DTWD2: variants seen among roughly 807,000 people sequenced by gnomAD.
The protein encoded by DTWD2 is DTW motif tRNA-uridine aminocarboxypropyltransferase 2.
DTWD2 carries 39 observed loss-of-function variants against 31.8 expected under a neutral mutation model. That is an observed-to-expected ratio of 1.22 (90% CI 0.95 to 1.60). DTWD2 has a LOEUF of 1.60. Ranked by LOEUF, DTWD2 falls within the 40% of genes most tolerant of loss-of-function variation. DTWD2 has a pLI of 0.00. For missense variants in DTWD2, 515 were observed against 381.5 expected, an observed-to-expected ratio of 1.35 and a Z score of -2.92; for synonymous variants, 180 against 142.8, an observed-to-expected ratio of 1.26 and a Z score of -1.86.
intron 4 of DTWD2, among the ~76,000 whole-genome samples, chr5:118,876,336 G>C (rs1340089707): frequency 6.6e-6 from 1 of 152,008 alleles, no homozygotes; most frequent in African/African-American, 2.4e-5. Flanking sequence ...GCCAGCAGAA[G>C]ACAAGAAATA....
intron 1 of DTWD2, among the ~76,000 whole-genome samples, chr5:118,952,995 T>C (rs574799500): frequency 1.4e-4 from 21 of 152,254 alleles, no homozygotes; most frequent in Non-Finnish European, 2.6e-4. Flanking sequence ...TTCTAGATGA[T>C]GAACCCTCTA....
At position 118,840,960 on chromosome 5, in the gene DTWD2, T is replaced by C. The variant is rs749741567; in HGVS notation, c.854A>G (p.Lys285Arg). 1.9e-6 allele frequency: 3 copies of C among 1,613,778 alleles called. No individual in the cohort carries two copies. The East Asian group carries it at 6.7e-5, about 36-fold the overall frequency. ...CATTAACAATTCCATTTTCCTGAGTTTGCGTTTGTTCTTTGGCATTGGTTT... is the reference window on the plus strand; with the variant it reads ...CATTAACAATTCCATTTTCCTGAGTCTGCGTTTGTTCTTTGGCATTGGTTT... ...YPKPMPKNKR[K>R]LRKMELLMNS... is the part of the protein sequence containing the mutation. The change falls in exon 6 of 6, where the codon AAA (lysine) becomes AGA (arginine). Residue 285 changes from lysine to arginine, a missense_variant. Coordinates refer to ENST00000510708, the MANE Select transcript of DTWD2 (RefSeq NM_173666.4).
chr5:118,950,185 C>T (rs908144896), intron 1 of DTWD2, among the ~76,000 whole-genome samples: 6 of 145,190 alleles, frequency 4.1e-5, no homozygotes, highest in Non-Finnish European at 8.9e-5. Flanking sequence ...TGCACTCCAG[C>T]CTCGGTGACA....
intron 1 of DTWD2, among the ~76,000 whole-genome samples, chr5:118,978,608 C>A (rs1755219715): frequency 6.6e-6 from 1 of 152,074 alleles, no homozygotes; most frequent in Admixed American, 6.6e-5. Context: ...ATTCATGTGG[C>A]CAACAAACAT....
At position 118,837,874 on chromosome 5, in the gene DTWD2, A is replaced by C. The variant is rs574846020; in HGVS notation, c.*3043T>G. ...TTTGATGCTGCAGTAAGCTATGATT[A>C]CACCACTGCACTCCAAACTGGGTGA... On this transcript the variant is annotated 3_prime_UTR_variant, in exon 6 of 6. Coordinates refer to ENST00000510708, the MANE Select transcript of DTWD2 (RefSeq NM_173666.4). 1 of 152,332 alleles carries C rather than the reference A, an allele frequency of 6.6e-6. No homozygotes were observed. Among genetic ancestry groups the C allele is most frequent in the Non-Finnish European group, 1.5e-5 (1 of 68,044 alleles). The allele number at this position is 152,332 out of a possible 1,614,324, so 9.4% of individuals were successfully genotyped here. A position where few individuals can be genotyped will look rare whatever the true frequency, so the allele number is the denominator to read the frequency against.
At chr5:118,932,728 G>C (rs1331268011) in intron 3 of DTWD2, among the ~76,000 whole-genome samples, 1 of 152,122 alleles carries the variant, frequency 6.6e-6, no homozygotes, top group Non-Finnish European at 1.5e-5. Context: ...GGCAATGAGA[G>C]GGCAACCAAC....
intron 4 of DTWD2, among the ~76,000 whole-genome samples, chr5:118,884,971 G>A (rs1580786132): frequency 1.4e-5 from 2 of 144,936 alleles, no homozygotes; most frequent in African/African-American, 5.4e-5. Context: ...ACTCCAGTCT[G>A]GGGGACAGAG....
At chr5:118,871,098 C>G (rs1433676635) in intron 4 of DTWD2, among the ~76,000 whole-genome samples, 1 of 151,948 alleles carries the variant, frequency 6.6e-6, no homozygotes, top group Non-Finnish European at 1.5e-5. Flanking sequence ...TAGATTCCAT[C>G]TCAAGAAACT....
chr5:118,951,595 T>A (rs1039470104), intron 1 of DTWD2, among the ~76,000 whole-genome samples: 5 of 152,074 alleles, frequency 3.3e-5, no homozygotes, highest in African/African-American at 1.2e-4. Flanking sequence ...TGTATTGGGG[T>A]CAAGCGGTGT....
intron 5 of DTWD2, among the ~76,000 whole-genome samples, chr5:118,845,627 G>C (rs1334798809): frequency 6.6e-6 from 1 of 152,142 alleles, no homozygotes; most frequent in Non-Finnish European, 1.5e-5. Context: ...GGCCACTGCA[G>C]TACAATTACT....
At chr5:118,952,172 G>C (rs746487317) in intron 1 of DTWD2, among the ~76,000 whole-genome samples, 11 of 152,162 alleles carry the variant, frequency 7.2e-5, no homozygotes, top group Non-Finnish European at 1.6e-4. Flanking sequence ...CTGAGGACCA[G>C]AGGTCGTAGA....
chr5:118,882,887 C>T (rs1752774274), intron 4 of DTWD2, among the ~76,000 whole-genome samples: 1 of 152,254 alleles, frequency 6.6e-6, no homozygotes, highest in Admixed American at 6.5e-5. Context: ...CATTGTCTTG[C>T]CTACTAACAC....
At chr5:118,853,956 T>A (rs1004507184) in intron 4 of DTWD2, among the ~76,000 whole-genome samples, 2 of 152,202 alleles carry the variant, frequency 1.3e-5, no homozygotes, top group Non-Finnish European at 2.9e-5. Context: ...AGGGACTGTT[T>A]AAGAAGGTTA....
rs965615759 is a variant in DTWD2 at position 118,847,969 on chromosome 5, T to A, written c.726+121A>T. 16 of 1,133,328 alleles carry A rather than the reference T, an allele frequency of 1.4e-5. No individual in the cohort carries two copies. In the African/African-American group the frequency reaches 1.9e-4, roughly 14 times the overall value. 70.2% of individuals were successfully genotyped at this position (1,133,328 alleles called of 1,614,324 possible). ...AACAAGGTTATAAAAGTACATAAAT[T>A]TCTAACACAGAAGATTCTACTTGTC... On this transcript the variant is annotated intron_variant, in intron 5 of 5. Coordinates refer to ENST00000510708, the MANE Select transcript of DTWD2 (RefSeq NM_173666.4).
At chr5:118,961,044 T>A (rs1754694273) in intron 1 of DTWD2, among the ~76,000 whole-genome samples, 1 of 149,428 alleles carries the variant, frequency 6.7e-6, no homozygotes, top group Non-Finnish European at 1.5e-5. Flanking sequence ...TATCTATAGA[T>A]CCAACCTGCA....
At chr5:118,868,531 C>T (rs1414864534) in intron 4 of DTWD2, among the ~76,000 whole-genome samples, 1 of 151,948 alleles carries the variant, frequency 6.6e-6, no homozygotes, top group African/African-American at 2.4e-5. Flanking sequence ...GGTTAATATC[C>T]AGAACATATT....
intron 1 of DTWD2, among the ~76,000 whole-genome samples, chr5:118,955,700 C>A (rs537598466): frequency 5.3e-5 from 8 of 151,876 alleles, no homozygotes; most frequent in African/African-American, 1.9e-4. Context: ...GAGGCTAAGG[C>A]AGGAGGATCA....
chr5:118,909,966 T>C (rs1289255688), intron 4 of DTWD2, among the ~76,000 whole-genome samples: 2 of 152,150 alleles, frequency 1.3e-5, no homozygotes, highest in South Asian at 2.1e-4. Flanking sequence ...GTGATGAGAG[T>C]AGCAGGCCCA....
At chr5:118,931,309 C>T (rs956943187) in intron 3 of DTWD2, among the ~76,000 whole-genome samples, 26 of 150,768 alleles carry the variant, frequency 1.7e-4, no homozygotes, top group African/African-American at 5.4e-4. Flanking sequence ...GCAGGAGAAT[C>T]GCTTGAGCCT....
Sources: gnomAD v4.1 joint callset for allele counts (sites outside exome capture counted in the v4.1 genomes callset) on GRCh38, gnomAD v4.1.1 for gene constraint, MANE v1.5 for transcripts, NCBI Gene and HGNC (gene_info 2026-07-23, HGNC 2026-07-21) for gene names.